GRIA3: variants seen among roughly 807,000 people sequenced by gnomAD.
The protein encoded by GRIA3 is glutamate ionotropic receptor AMPA type subunit 3, also known as glutamate receptor 3.
GRIA3 carries 3 observed loss-of-function variants against 63.0 expected under a neutral mutation model. The ratio of observed to expected loss-of-function variants is 0.05; its 90% confidence interval spans 0.02 to 0.12. The LOEUF (loss-of-function observed/expected upper bound fraction) is 0.12. Ranked by LOEUF, GRIA3 falls within the 10% of genes least tolerant of loss-of-function variation. The pLI, the probability that GRIA3 is intolerant of heterozygous loss-of-function variation, is 1.00. For synonymous variants in GRIA3, 274 were observed against 257.9 expected (o/e 1.06, Z -0.60); for missense variants, 347 against 700.9 (o/e 0.50, Z 5.70).
chrX:123,380,069 G>A (rs2045313345), intron 5 of GRIA3, among the ~76,000 whole-genome samples: 1 of 110,906 alleles, frequency 9.0e-6, no homozygotes, highest in African/African-American at 3.3e-5. Flanking sequence ...TTGGTTTCAA[G>A]TCTTTGCTAT....
chrX:123,332,220 G>A (rs932817451), intron 4 of GRIA3, among the ~76,000 whole-genome samples: 13 of 110,355 alleles, frequency 1.2e-4, no homozygotes, highest in Admixed American at 2.9e-4. Context: ...TGATTGATAA[G>A]CTCAAGAACA....
rs189274247 is a variant in GRIA3 at position 123,238,258 on chromosome X, G to A, written c.269-15045G>A. ...AGACAGTGGGAGCAGAAATCCCATCGGCTTCCATCCCCAGGTGTTGGCAAT... is the reference window on the plus strand; with the variant it reads ...AGACAGTGGGAGCAGAAATCCCATCAGCTTCCATCCCCAGGTGTTGGCAAT... On this transcript the variant is annotated intron_variant, in intron 2 of 15. Transcript: ENST00000620443. 6.3e-5 allele frequency among the ~76,000 whole-genome samples: 7 copies of A among 111,436 alleles called. No individual in the cohort carries two copies. In the East Asian group the frequency reaches 8.5e-4, roughly 14 times the overall value.
rs754362380 is a variant in GRIA3, at chrX:123,279,574, G to C, written c.508+26032G>C. Among the ~76,000 whole-genome samples the C allele has an allele frequency of 1.3e-4, 14 of 111,717 alleles. No individual in the cohort carries two copies. The South Asian group carries it at 4.5e-3, about 36-fold the overall frequency. On this transcript the variant is annotated intron_variant, in intron 3 of 15. Transcript: ENST00000620443. ...AAGCTTTCTCCTTTCATATGGAATT[G>C]CTTTGTTTCAAGGAAATAGAAGTTT...
chrX:123,327,643 G>A (rs765674573), intron 4 of GRIA3, among the ~76,000 whole-genome samples: 1 of 110,959 alleles, frequency 9.0e-6, no homozygotes, highest in South Asian at 3.8e-4. Flanking sequence ...AAGGACAAAG[G>A]GAGAAAAGGA....
chrX:123,449,681 C>T (rs1385806354), intron 12 of GRIA3, among the ~76,000 whole-genome samples: 1 of 112,017 alleles, frequency 8.9e-6, no homozygotes, highest in South Asian at 3.7e-4. Flanking sequence ...TGTTCAAAAT[C>T]GAGAGCCACA....
chrX:123,220,504 C>CTT (rs757964185), intron 2 of GRIA3, among the ~76,000 whole-genome samples: 12 of 111,678 alleles, frequency 1.1e-4, no homozygotes, highest in African/African-American at 2.6e-4. Flanking sequence ...GCTTGCTGTC[C>CTT]TTATGTGTAT....
At chrX:123,272,306 G>A (rs1431467878) in intron 3 of GRIA3, among the ~76,000 whole-genome samples, 2 of 111,722 alleles carry the variant, frequency 1.8e-5, no homozygotes, top group Admixed American at 1.9e-4. Context: ...TAGATGCATG[G>A]AGCCAAGTCC....
intron 3 of GRIA3, among the ~76,000 whole-genome samples, chrX:123,260,483 A>AG (rs2044450735): frequency 3.9e-4 from 3 of 7,638 alleles, no homozygotes; most frequent in African/African-American, 9.8e-4. Flanking sequence ...AAGGAAAGAA[A>AG]GAAAGAAAGA....
At chrX:123,353,020 TACACAC>T (rs556926418) in intron 4 of GRIA3, among the ~76,000 whole-genome samples, 1,305 of 87,750 alleles carry the variant, frequency 0.015, 23 homozygotes, top group African/African-American at 0.048. Context: ...CTCTCTCTCA[TACACAC>T]ACACACACAC....
intron 5 of GRIA3, among the ~76,000 whole-genome samples, chrX:123,359,078 A>C (rs1390284441): frequency 2.7e-5 from 3 of 111,906 alleles, no homozygotes; most frequent in Non-Finnish European, 1.9e-5. Context: ...CTGATTATCA[A>C]TCTGTAAAAT....
At position 123,184,922 on chromosome X, in the gene GRIA3, G is replaced by T. The variant is rs1203153790; in HGVS notation, c.109+278G>T. 6.6e-6 allele frequency: 3 copies of T among 454,097 alleles called. No individual in the cohort carries two copies. In the South Asian group the frequency reaches 7.6e-5, roughly 11 times the overall value. 37.4% of individuals were successfully genotyped at this position (454,097 alleles called of 1,213,427 possible). ...TTTCCGAGCCGAGAGGAGCACCGGA[G>T]GCGAGCAGGAGGCTGGGATGCTGCA... On this transcript the variant is annotated intron_variant, in intron 1 of 15. Coordinates refer to ENST00000620443, the MANE Select transcript of GRIA3 (RefSeq NM_007325.5).
chrX:123,433,842 A>G (rs1421175927), intron 12 of GRIA3, among the ~76,000 whole-genome samples: 1 of 111,483 alleles, frequency 9.0e-6, no homozygotes, highest in African/African-American at 3.3e-5. Flanking sequence ...CAGCTGAATT[A>G]CTCATGAAGA....
At chrX:123,474,178 A>G (rs1034617052) in intron 13 of GRIA3, among the ~76,000 whole-genome samples, 1 of 111,212 alleles carries the variant, frequency 9.0e-6, no homozygotes, top group Non-Finnish European at 1.9e-5. Flanking sequence ...TAATTAATTG[A>G]CAAGACCCAA....
At chrX:123,286,232 C>G (rs1261717820) in intron 3 of GRIA3, among the ~76,000 whole-genome samples, 1 of 111,829 alleles carries the variant, frequency 8.9e-6, no homozygotes, top group East Asian at 2.8e-4. Flanking sequence ...AGAACAAAGA[C>G]AGAATGTACC....
chrX:123,352,996 C>T (rs750760908), intron 4 of GRIA3, among the ~76,000 whole-genome samples: 2 of 101,226 alleles, frequency 2.0e-5, no homozygotes, highest in Non-Finnish European at 4.0e-5. Context: ...AAACTGCTCT[C>T]TTGTCCTCTC....
intron 3 of GRIA3, among the ~76,000 whole-genome samples, chrX:123,267,421 G>A (rs1237537687): frequency 8.9e-6 from 1 of 111,863 alleles, no homozygotes; most frequent in East Asian, 2.8e-4. Context: ...GCTGCAGTGC[G>A]CCTTATGGTT....
intron 2 of GRIA3, among the ~76,000 whole-genome samples, chrX:123,240,812 C>CT (rs1051527182): frequency 3.1e-4 from 34 of 109,964 alleles, no homozygotes; most frequent in East Asian, 2.9e-4. Context: ...GCATCCTTTT[C>CT]TTTTTTTTTA....
chrX:123,420,883 T>C (rs1304815721), intron 11 of GRIA3, among the ~76,000 whole-genome samples: 1 of 111,423 alleles, frequency 9.0e-6, no homozygotes, highest in Non-Finnish European at 1.9e-5. Flanking sequence ...TATACTAAAC[T>C]AGACACTGTC....
chrX:123,426,504 G>T (rs1791203088), intron 11 of GRIA3, among the ~76,000 whole-genome samples: 2 of 111,897 alleles, frequency 1.8e-5, no homozygotes, highest in Admixed American at 9.5e-5. Flanking sequence ...CCTAGGCAAG[G>T]TTTTTTGTCT....
Sources: allele counts gnomAD v4.1 joint callset (sites outside exome capture counted in the v4.1 genomes callset), GRCh38; gene constraint gnomAD v4.1.1; transcripts MANE v1.5; gene names NCBI Gene and HGNC (gene_info 2026-07-23, HGNC 2026-07-21).